HADHA: variants seen among roughly 807,000 people sequenced by gnomAD.
The protein encoded by HADHA is trifunctional enzyme subunit alpha, mitochondrial.
In HADHA, 59 loss-of-function variants were observed where a neutral mutation model predicts 91.3. The observed-to-expected ratio is 0.65, with a 90% CI of 0.52 to 0.80. The LOEUF (loss-of-function observed/expected upper bound fraction) is 0.80. Ranked by LOEUF, HADHA falls within the 30% of genes least tolerant of loss-of-function variation. HADHA has a pLI of 0.00. For missense variants in HADHA, 800 were observed against 927.6 expected (o/e 0.86, Z 1.79); for synonymous variants, 320 against 338.9 (o/e 0.94, Z 0.61).
intron 18 of HADHA, 79 bp downstream of exon 18, chr2:26,192,231 A>G: frequency 1.3e-6 from 1 of 784,596 alleles, no homozygotes; most frequent in Non-Finnish European, 2.2e-6. Flanking sequence ...AAAAAAAAAA[A>G]AAATGGAAGA....
chr2:26,193,556 T>C (rs1669573712), intron 17 of HADHA, 21 bp downstream of exon 17: 7 of 1,585,082 alleles, frequency 4.4e-6, no homozygotes, highest in South Asian at 1.1e-5. Flanking sequence ...GTGCTAGTTA[T>C]GTTTCCTTGA....
At position 26,191,613 on chromosome 2, in the gene HADHA, G is replaced by A. The variant is rs1669506916; in HGVS notation, c.2016C>T (p.Asp672=). 1.2e-6 allele frequency: 2 copies of A among 1,614,140 alleles called. No individual in the cohort carries two copies. Among genetic ancestry groups the A allele is most frequent in the Non-Finnish European group, 1.7e-6 (2 of 1,179,990 alleles). ...ATCTTGTCACCAGGCGGAACTGGAT[G>A]TCTTCGTCTGATGAGCTGCCAACAG... ...PPKSEVSSDE[D]IQFRLVTRFV... The change falls in exon 19 of 20, where the codon GAC becomes GAT. Residue 672 remains aspartate (D), a synonymous_variant. Transcript: ENST00000380649.
intron 3 of HADHA, 79 bp from the exon 4 acceptor site, chr2:26,237,067 G>T: frequency 1.0e-6 from 1 of 992,558 alleles, no homozygotes; most frequent in Non-Finnish European, 1.6e-6. Context: ...ATGCTATTTT[G>T]ATTATAAGAA....
rs146177789 is a variant in HADHA, at chr2:26,221,072, CA to C, written c.677-5898del. On this transcript the variant is annotated intron_variant, in intron 7 of 19. Transcript: ENST00000380649. The surrounding 1 kb of genome is among the most constrained non-coding windows in gnomAD (Gnocchi z 4.8). ...GTGTTGCACGTGGCCCCTCCTACCA[CA>C]AAAAAACACGGAGAACACCTGGTGG... Among the ~76,000 whole-genome samples the C allele has an allele frequency of 7.0e-4, 106 of 152,206 alleles. 1 individual carries two copies. In the East Asian group the frequency reaches 0.017, roughly 24 times the overall value.
intron 12 of HADHA, 67 bp downstream of exon 12, chr2:26,203,995 C>A: frequency 7.9e-6 from 12 of 1,527,586 alleles, no homozygotes; most frequent in Non-Finnish European, 1.1e-5. Flanking sequence ...ACCAAGCCAC[C>A]ACAAAAAACA....
intron 1 of HADHA, among the ~76,000 whole-genome samples, chr2:26,244,217 T>C (rs557411743): frequency 9.7e-4 from 148 of 152,228 alleles, no homozygotes; most frequent in Admixed American, 1.6e-3. Context: ...GAACTCCGGA[T>C]CAAGAAAATA....
At chr2:26,237,267 T>C (rs574067556) in intron 3 of HADHA, among the ~76,000 whole-genome samples, 1 of 152,150 alleles carries the variant, frequency 6.6e-6, no homozygotes, top group East Asian at 1.9e-4. Context: ...TATAAACAAA[T>C]AGGTCTACAA....
intron 4 of HADHA, 99 bp downstream of exon 4, chr2:26,236,756 C>G (rs1482861665): frequency 1.1e-6 from 1 of 937,704 alleles, no homozygotes; most frequent in East Asian, 2.4e-5. Context: ...TGTCACTGTG[C>G]CCAGCACTTC....
chr2:26,230,053 C>T (rs575920241), intron 7 of HADHA, 139 bp downstream of exon 7: 7 of 661,960 alleles, frequency 1.1e-5, no homozygotes, highest in South Asian at 6.9e-5. Context: ...AAACTCCTGA[C>T]CTCAAGTGAT....
At position 26,193,615 on chromosome 2, in the gene HADHA, G is replaced by A. The variant is rs144391866; in HGVS notation, c.1847C>T (p.Pro616Leu). The A allele has an allele frequency of 6.2e-7, 1 of 1,613,860 alleles. No homozygotes were observed. Among genetic ancestry groups the A allele is most frequent in the African/African-American group, 1.3e-5 (1 of 74,894 alleles). ...GGACACCATCTGTGTCAGCAGTTCT[G>A]GGTTTCCACCTCCAAACCGCTCCCC... Reference protein sequence around the residue: ...VFGERFGGGNPELLTQMVSKG... With the variant: ...VFGERFGGGNLELLTQMVSKG... The change falls in exon 17 of 20, where the codon CCA becomes CTA. Residue 616 changes from proline to leucine, a missense_variant. Coordinates refer to ENST00000380649, the MANE Select transcript of HADHA (RefSeq NM_000182.5).
At chr2:26,191,999 C>T (rs1669520957) in intron 18 of HADHA, among the ~76,000 whole-genome samples, 1 of 152,168 alleles carries the variant, frequency 6.6e-6, no homozygotes. Context: ...AAGGCTGGAG[C>T]AGGGGAGGGC....
chr2:26,222,971 G>GT (rs988261109), intron 7 of HADHA, among the ~76,000 whole-genome samples: 1 of 152,148 alleles, frequency 6.6e-6, no homozygotes, highest in Non-Finnish European at 1.5e-5. Flanking sequence ...GCCAGGATTC[G>GT]TGAGTCCAGA....
chr2:26,197,462 T>G (rs1384292907), intron 14 of HADHA, among the ~76,000 whole-genome samples: 1 of 152,236 alleles, frequency 6.6e-6, no homozygotes, highest in African/African-American at 2.4e-5. Context: ...ATCCTGAACC[T>G]GAAAAATAAT....
At chr2:26,242,724 G>A (rs1435341638) in intron 1 of HADHA, among the ~76,000 whole-genome samples, 1 of 152,174 alleles carries the variant, frequency 6.6e-6, no homozygotes, top group Non-Finnish European at 1.5e-5. Flanking sequence ...GCAGAGCCAG[G>A]TCCAAACCCA....
intron 18 of HADHA, among the ~76,000 whole-genome samples, 169 bp downstream of exon 18, chr2:26,192,141 A>G (rs1669524890): frequency 6.6e-6 from 1 of 152,158 alleles, no homozygotes; most frequent in Non-Finnish European, 1.5e-5. Context: ...GGTGGTCACA[A>G]AGAAAATGGA....
intron 12 of HADHA, among the ~76,000 whole-genome samples, chr2:26,202,406 CA>C (rs913006627): frequency 5.6e-4 from 85 of 152,174 alleles, no homozygotes; most frequent in African/African-American, 2.0e-3. Context: ...TAACCAAAAG[CA>C]AAATTAAGGC....
Position 26,221,272 on chromosome 2 carries a change from A to C in HADHA, c.677-6097T>G, listed in dbSNP as rs1312159782. ...GGCGCCTGAAGTGTCGGCAGCAGAC[A>C]GAGGTGCTGTCTGGAGTCTTTAATA... On this transcript the variant is annotated intron_variant, in intron 7 of 19. Coordinates refer to ENST00000380649, the MANE Select transcript of HADHA (RefSeq NM_000182.5). This position sits in a 1 kb window ranked among gnomAD's most constrained non-coding sequence, Gnocchi z 4.8. Among the ~76,000 whole-genome samples the C allele has an allele frequency of 3.9e-5, 6 of 152,342 alleles. No homozygotes were observed. In the South Asian group the frequency reaches 8.3e-4, roughly 21 times the overall value.
intron 18 of HADHA, 114 bp downstream of exon 18, chr2:26,192,169 GTGTATACCTATGTAACAAACCTGCACA>G: frequency 1.6e-6 from 1 of 637,578 alleles, no homozygotes; most frequent in Non-Finnish European, 2.8e-6. Context: ...ACCATGGCAC[GTGTATACCTATGTAACAAACCTGCACA>G]TGTATCCCAG....
chr2:26,239,628 C>T (rs1190415425), intron 1 of HADHA, among the ~76,000 whole-genome samples: 4 of 151,810 alleles, frequency 2.6e-5, no homozygotes, highest in African/African-American at 7.3e-5. Flanking sequence ...TTGCTGCCTC[C>T]GTATTTTCTC....
Sources: allele counts gnomAD v4.1 joint callset (sites outside exome capture counted in the v4.1 genomes callset), GRCh38; gene constraint gnomAD v4.1.1; non-coding constraint Gnocchi (gnomAD v3.1); transcripts MANE v1.5; gene names NCBI Gene and HGNC (gene_info 2026-07-23, HGNC 2026-07-21).